R3HDM1: variants seen among roughly 807,000 people sequenced by gnomAD.
The protein encoded by R3HDM1 is R3H domain containing 1.
A neutral mutation model predicts 141.1 loss-of-function variants in R3HDM1; 46 were observed. That is an observed-to-expected ratio of 0.33 (90% CI 0.26 to 0.42). The LOEUF (loss-of-function observed/expected upper bound fraction) is 0.42, where lower values mean the gene tolerates loss of function less well. Ranked by LOEUF, R3HDM1 falls within the 10% of genes least tolerant of loss-of-function variation. The pLI is 1.00. For missense variants in R3HDM1, 1,184 were observed against 1,368.3 expected (o/e 0.87, Z 2.12); for synonymous variants, 435 against 472.9 (o/e 0.92, Z 1.04).
rs529289888 is a variant in R3HDM1 at position 135,641,909 on chromosome 2, C to T, written c.1474+119C>T. ...TTATTCATGAATAATTAACATTTTCCAAGAACTTTATAACAAAAACACTTA... is the reference window on the plus strand; with the variant it reads ...TTATTCATGAATAATTAACATTTTCTAAGAACTTTATAACAAAAACACTTA... On this transcript the variant is annotated intron_variant, in intron 15 of 26. Transcript: ENST00000683871. 8.9e-6 allele frequency: 11 copies of T among 1,238,230 alleles called. No homozygotes were observed. The African/African-American group carries it at 1.7e-4, about 19-fold the overall frequency. 76.7% of individuals were successfully genotyped at this position (1,238,230 alleles called of 1,614,324 possible).
chr2:135,671,198 A>G (rs536550221), intron 19 of R3HDM1, among the ~76,000 whole-genome samples: 2 of 151,228 alleles, frequency 1.3e-5, no homozygotes, highest in South Asian at 2.1e-4. Flanking sequence ...GGCTAACTAT[A>G]TGGAATCTGT....
chr2:135,640,932 G>T (rs2063728728), intron 14 of R3HDM1, among the ~76,000 whole-genome samples: 1 of 152,114 alleles, frequency 6.6e-6, no homozygotes, highest in African/African-American at 2.4e-5. Context: ...TAAGTACTTG[G>T]AATATATTTC....
At chr2:135,606,946 T>C (rs1393429280) in intron 3 of R3HDM1, among the ~76,000 whole-genome samples, 1 of 120,162 alleles carries the variant, frequency 8.3e-6, no homozygotes, top group Non-Finnish European at 1.7e-5. Flanking sequence ...CTTCACTTTT[T>C]TAAAGTAAAG....
rs138344810 is a variant in R3HDM1 at position 135,684,311 on chromosome 2, A to C, written c.2459+3987A>C. On this transcript the variant is annotated intron_variant, in intron 21 of 26. Transcript: ENST00000683871. ...TCACCATGTTAGCCAGGATGGTCTC[A>C]ATCTCCTGACCTCGTGATCCGCCCA... Among the ~76,000 whole-genome samples, 244 of 152,146 alleles carry C rather than the reference A, an allele frequency of 1.6e-3. 6 individuals are homozygous for C. The East Asian group carries it at 0.033, about 21-fold the overall frequency.
chr2:135,669,099 G>A, intron 19 of R3HDM1: 1 of 971,706 alleles, frequency 1.0e-6, no homozygotes, highest in Non-Finnish European at 1.2e-6. Flanking sequence ...CTGGAGTGCA[G>A]TGGCCCTTCC....
At chr2:135,628,611 C>T (rs1297024163) in intron 7 of R3HDM1, among the ~76,000 whole-genome samples, 2 of 152,024 alleles carry the variant, frequency 1.3e-5, no homozygotes, top group East Asian at 3.9e-4. Context: ...AAGTTGCCTC[C>T]TTTCTTGTTT....
At chr2:135,626,147 A>G (rs1328101445) in intron 7 of R3HDM1, among the ~76,000 whole-genome samples, 1 of 151,962 alleles carries the variant, frequency 6.6e-6, no homozygotes, top group Non-Finnish European at 1.5e-5. Flanking sequence ...GAATTGGAGG[A>G]CACCCAGCTG....
chr2:135,560,385 G>A (rs545364631), intron 1 of R3HDM1, among the ~76,000 whole-genome samples: 15 of 152,106 alleles, frequency 9.9e-5, no homozygotes, highest in Non-Finnish European at 1.3e-4. Context: ...GCGCTGTCTC[G>A]GCTCACTGCA....
rs60815896 is a variant in R3HDM1, at chr2:135,537,608, C to CTTATTTTATTTTATT, written c.-250+6029_-250+6043dup. On this transcript the variant is annotated intron_variant, in intron 1 of 26. Coordinates refer to ENST00000683871, the MANE Select transcript of R3HDM1 (RefSeq NM_001378107.1). ...GCCTAGGCCTTCATTTTAGTGAGCC[C>CTTATTTTATTTTATT]TTATTTTATTTTATTTTATTTTATT... Among the ~76,000 whole-genome samples, 635 of 107,392 alleles carry CTTATTTTATTTTATT rather than the reference C, an allele frequency of 5.9e-3. 12 individuals are homozygous for CTTATTTTATTTTATT. Among genetic ancestry groups the CTTATTTTATTTTATT allele is most frequent in the African/African-American group, 0.011 (311 of 27,310 alleles). The allele number at this position is 107,392 out of a possible 152,430, so 70.5% of individuals were successfully genotyped here.
chr2:135,535,883 G>C (rs1029359189), intron 1 of R3HDM1, among the ~76,000 whole-genome samples: 1 of 152,038 alleles, frequency 6.6e-6, no homozygotes, highest in Non-Finnish European at 1.5e-5. Flanking sequence ...AACTAGTTTT[G>C]TACCTTATTT....
intron 18 of R3HDM1, among the ~76,000 whole-genome samples, chr2:135,659,693 C>T (rs947637010): frequency 6.6e-6 from 1 of 152,228 alleles, no homozygotes; most frequent in Non-Finnish European, 1.5e-5. Flanking sequence ...CCGCCTCAGC[C>T]TCCCAAAGTG....
At chr2:135,709,376 C>A (rs1328507750) in intron 21 of R3HDM1, 57 bp from the exon 22 acceptor site, 1 of 1,604,948 alleles carries the variant, frequency 6.2e-7, no homozygotes. Flanking sequence ...CCAGCCCATT[C>A]AAGAATGTTT....
chr2:135,549,938 A>G, intron 1 of R3HDM1: 3 of 931,228 alleles, frequency 3.2e-6, no homozygotes, highest in South Asian at 4.9e-5. Context: ...CCCTTGACAC[A>G]AAGATGTGTA....
chr2:135,584,398 C>T, intron 1 of R3HDM1: 2 of 940,974 alleles, frequency 2.1e-6, no homozygotes, highest in Non-Finnish European at 2.5e-6. Flanking sequence ...ATTACCTGAC[C>T]TCGGTAGCAT....
intron 21 of R3HDM1, among the ~76,000 whole-genome samples, chr2:135,698,799 CACTT>C (rs1474064210): frequency 7.2e-5 from 11 of 152,150 alleles, no homozygotes; most frequent in Middle Eastern, 3.4e-3. Context: ...GAGCACCACA[CACTT>C]TTTAAAGAAC....
At chr2:135,579,923 C>G (rs1167447104) in intron 1 of R3HDM1, among the ~76,000 whole-genome samples, 1 of 152,162 alleles carries the variant, frequency 6.6e-6, no homozygotes, top group East Asian at 1.9e-4. Flanking sequence ...ATTTTTGCAA[C>G]TTTTCTCCGA....
chr2:135,715,493 T>TA, intron 23 of R3HDM1, 57 bp from the exon 24 acceptor site: 2 of 1,558,178 alleles, frequency 1.3e-6, no homozygotes, highest in East Asian at 4.5e-5. Context: ...TCAGGAAGAA[T>TA]AAAAAATAAG....
intron 1 of R3HDM1, among the ~76,000 whole-genome samples, chr2:135,585,185 A>C (rs950990036): frequency 4.6e-5 from 7 of 152,112 alleles, no homozygotes; most frequent in Non-Finnish European, 4.4e-5. Context: ...ATTTAGGAAG[A>C]TTTTGTGGAT....
intron 1 of R3HDM1, among the ~76,000 whole-genome samples, chr2:135,569,718 C>CTTTTTTTTT (rs139858819): frequency 3.1e-5 from 4 of 129,346 alleles, no homozygotes; most frequent in African/African-American, 1.2e-4. Flanking sequence ...ATAGTAAGCT[C>CTTTTTTTTT]TTTTTTTTTT....
Sources: gnomAD v4.1 joint callset for allele counts (sites outside exome capture counted in the v4.1 genomes callset) on GRCh38, gnomAD v4.1.1 for gene constraint, MANE v1.5 for transcripts, NCBI Gene and HGNC (gene_info 2026-07-23, HGNC 2026-07-21) for gene names.